MSRA: variants seen among roughly 807,000 people sequenced by gnomAD.
The protein encoded by MSRA is mitochondrial peptide methionine sulfoxide reductase.
In MSRA, 54 loss-of-function variants were observed where a neutral mutation model predicts 31.3. The ratio of observed to expected loss-of-function variants is 1.73; its 90% confidence interval spans 1.39 to 2.17. MSRA has a LOEUF of 2.17. Ranked by LOEUF, MSRA falls within the 30% of genes most tolerant of loss-of-function variation. The probability of loss-of-function intolerance (pLI) is 0.00; values close to 1 mark genes in which losing one functional copy is unlikely to be tolerated. For synonymous variants in MSRA, 169 were observed against 116.5 expected (o/e 1.45, Z -2.90); for missense variants, 507 against 300.9 (o/e 1.69, Z -5.07).
At chr8:10,059,237 C>G (rs531222543) in intron 1 of MSRA, 1 of 152,092 alleles carries the variant, frequency 6.6e-6, no homozygotes, top group South Asian at 2.1e-4. Context: ...GGAATAAATT[C>G]CAGATATATG....
At chr8:10,309,156 A>G (rs979860947) in intron 4 of MSRA, among the ~76,000 whole-genome samples, 4 of 152,200 alleles carry the variant, frequency 2.6e-5, no homozygotes, top group Non-Finnish European at 5.9e-5. Flanking sequence ...CTAACTCATC[A>G]TGAGGTAAAA....
At chr8:10,324,759 A>T (rs913029920) in intron 5 of MSRA, among the ~76,000 whole-genome samples, 6 of 152,168 alleles carry the variant, frequency 3.9e-5, no homozygotes, top group African/African-American at 1.2e-4. Context: ...ACTGGGGAGG[A>T]AAAGAAGGAA....
chr8:10,106,130 C>T (rs1008196979), intron 1 of MSRA, among the ~76,000 whole-genome samples: 4 of 152,204 alleles, frequency 2.6e-5, no homozygotes, highest in Non-Finnish European at 4.4e-5. Flanking sequence ...AGGTTCTGGG[C>T]AGATACTAAC....
chr8:10,126,402 C>T (rs1046902613), intron 1 of MSRA, among the ~76,000 whole-genome samples: 5 of 152,166 alleles, frequency 3.3e-5, no homozygotes, highest in African/African-American at 1.2e-4. Flanking sequence ...CTCTGTGGCA[C>T]CAGGGACTGG....
At chr8:10,065,623 C>G (rs1394513901) in intron 1 of MSRA, among the ~76,000 whole-genome samples, 2 of 152,202 alleles carry the variant, frequency 1.3e-5, no homozygotes, top group South Asian at 2.1e-4. Context: ...AACGATGGAA[C>G]TCAAGCCTGA....
chr8:10,388,812 A>T lies in MSRA; in HGVS notation c.544-39336A>T, dbSNP rs144533172. Among the ~76,000 whole-genome samples the T allele has an allele frequency of 4.7e-3, 716 of 151,992 alleles. 4 individuals carry two copies. Among genetic ancestry groups the T allele is most frequent in the African/African-American group, 0.015 (627 of 41,422 alleles). On this transcript the variant is annotated intron_variant, in intron 5 of 5. Coordinates refer to ENST00000317173, the MANE Select transcript of MSRA (RefSeq NM_012331.5). The stretch of plus-strand genomic sequence containing the variant: ...TACGCATGATGGGATGTTGACCGGC[A>T]TCGCTGGTTTGACCTACTAGATGCC...
chr8:10,309,965 A>G (rs979526785), intron 4 of MSRA, among the ~76,000 whole-genome samples: 3 of 152,184 alleles, frequency 2.0e-5, no homozygotes, highest in Non-Finnish European at 2.9e-5. Context: ...GGAAACATTC[A>G]TTGAAGGGAG....
intron 1 of MSRA, among the ~76,000 whole-genome samples, chr8:10,120,946 A>G (rs1801063563): frequency 1.3e-5 from 2 of 152,254 alleles, no homozygotes; most frequent in African/African-American, 4.8e-5. Flanking sequence ...AATTAAATTT[A>G]TACAATTTAA....
chr8:10,417,400 A>C (rs1808525451), intron 5 of MSRA, among the ~76,000 whole-genome samples: 1 of 138,764 alleles, frequency 7.2e-6, no homozygotes, highest in Non-Finnish European at 1.6e-5. Context: ...GAAGAGAAGC[A>C]CTCATCCCTT....
At chr8:10,362,319 G>A (rs1410395104) in intron 5 of MSRA, among the ~76,000 whole-genome samples, 1 of 152,054 alleles carries the variant, frequency 6.6e-6, no homozygotes, top group South Asian at 2.1e-4. Context: ...GAAATATTTT[G>A]TGATTAGTGC....
intron 1 of MSRA, among the ~76,000 whole-genome samples, chr8:10,133,519 G>A (rs1802048995): frequency 6.6e-6 from 1 of 152,154 alleles, no homozygotes; most frequent in African/African-American, 2.4e-5. Flanking sequence ...GTTCCTACTG[G>A]CTTCATCACT....
intron 1 of MSRA, among the ~76,000 whole-genome samples, chr8:10,140,791 A>G (rs555766234): frequency 6.6e-6 from 1 of 152,230 alleles, no homozygotes; most frequent in Non-Finnish European, 1.5e-5. Context: ...AAAAATAAGA[A>G]CAGGGACATA....
intron 1 of MSRA, among the ~76,000 whole-genome samples, chr8:10,206,349 C>A (rs1221440320): frequency 6.6e-6 from 1 of 152,170 alleles, no homozygotes; most frequent in East Asian, 1.9e-4. Context: ...CTCTATAAGG[C>A]CACTGAGCCC....
intron 3 of MSRA, among the ~76,000 whole-genome samples, chr8:10,248,217 A>G (rs990320400): frequency 2.0e-5 from 3 of 152,218 alleles, no homozygotes; most frequent in African/African-American, 7.2e-5. Context: ...TTTGATCACA[A>G]TCCGTGAATA....
At chr8:10,364,929 T>G (rs1805069579) in intron 5 of MSRA, among the ~76,000 whole-genome samples, 1 of 152,164 alleles carries the variant, frequency 6.6e-6, no homozygotes, top group Admixed American at 6.5e-5. Flanking sequence ...TAATTGATCT[T>G]AAAAATCAGC....
intron 1 of MSRA, among the ~76,000 whole-genome samples, chr8:10,187,162 A>C (rs1057306596): frequency 5.9e-5 from 9 of 152,196 alleles, no homozygotes; most frequent in Admixed American, 5.9e-4. Flanking sequence ...AACTTCGGGA[A>C]ATGGTACGAC....
chr8:10,059,977 T>G (rs1802616781), intron 1 of MSRA, among the ~76,000 whole-genome samples: 1 of 152,224 alleles, frequency 6.6e-6, no homozygotes, highest in African/African-American at 2.4e-5. Flanking sequence ...TGGTAAATTC[T>G]TAAGGAAAAA....
intron 3 of MSRA, among the ~76,000 whole-genome samples, chr8:10,249,720 T>C (rs978489901): frequency 5.3e-5 from 8 of 152,158 alleles, no homozygotes; most frequent in African/African-American, 9.7e-5. Flanking sequence ...CATGTTCTGA[T>C]GCATTTCTGA....
chr8:10,171,641 T>C (rs1805597004), intron 1 of MSRA, among the ~76,000 whole-genome samples: 1 of 152,224 alleles, frequency 6.6e-6, no homozygotes, highest in African/African-American at 2.4e-5. Flanking sequence ...AAACGACTGA[T>C]ACGGACTTAC....
Sources: allele counts gnomAD v4.1 joint callset (sites outside exome capture counted in the v4.1 genomes callset), GRCh38; gene constraint gnomAD v4.1.1; transcripts MANE v1.5; gene names NCBI Gene and HGNC (gene_info 2026-07-23, HGNC 2026-07-21).